PDE4D: variants seen among roughly 807,000 people sequenced by gnomAD.
The protein encoded by PDE4D is 3',5'-cyclic-AMP phosphodiesterase 4D.
Under a neutral mutation model 87.4 loss-of-function variants are expected in PDE4D, and 24 were observed. The ratio of observed to expected loss-of-function variants is 0.27; its 90% CI spans 0.20 to 0.39. The LOEUF is 0.39. Among genes scored for constraint, PDE4D ranks in the 10% least tolerant of loss-of-function variants. The pLI, the probability that PDE4D is intolerant of heterozygous loss-of-function variation, is 1.00. For missense variants in PDE4D, 714 were observed against 1,041.0 expected (o/e 0.69, Z 4.32); for synonymous variants, 384 against 383.2 (o/e 1.00, Z -0.02).
At chr5:59,096,919 A>G (rs919530930) in intron 5 of PDE4D, among the ~76,000 whole-genome samples, 8 of 152,224 alleles carry the variant, frequency 5.3e-5, no homozygotes, top group African/African-American at 1.9e-4. Context: ...AAGTGTGGAC[A>G]CAAGTGTGTA....
intron 1 of PDE4D, among the ~76,000 whole-genome samples, chr5:60,289,104 G>A (rs995685445): frequency 2.0e-5 from 3 of 152,150 alleles, no homozygotes; most frequent in African/African-American, 7.2e-5. Context: ...CTAAAAGAAG[G>A]TTGTTCTAAA....
chr5:59,600,575 G>T (rs1483695060), intron 1 of PDE4D, among the ~76,000 whole-genome samples: 1 of 152,100 alleles, frequency 6.6e-6, no homozygotes, highest in Non-Finnish European at 1.5e-5. Context: ...GCAACCAAAG[G>T]CATCTTAACT....
intron 5 of PDE4D, among the ~76,000 whole-genome samples, chr5:59,067,916 G>A (rs1764178304): frequency 6.6e-6 from 1 of 152,072 alleles, no homozygotes; most frequent in African/African-American, 2.4e-5. Flanking sequence ...TAATTAAGTA[G>A]GTAAAATATT....
chr5:59,112,386 G>C (rs1166999234), intron 5 of PDE4D, among the ~76,000 whole-genome samples: 1 of 152,186 alleles, frequency 6.6e-6, no homozygotes, highest in African/African-American at 2.4e-5. Context: ...GCAAGGTTAT[G>C]AGCAGAGGAA....
chr5:60,092,050 C>CAAAAAAAA (rs66814905), intron 2 of PDE4D, among the ~76,000 whole-genome samples: 37 of 55,990 alleles, frequency 6.6e-4, no homozygotes, highest in Non-Finnish European at 7.7e-4. Flanking sequence ...AACTCCGTCT[C>CAAAAAAAA]AAAAAAAAAA....
intron 1 of PDE4D, among the ~76,000 whole-genome samples, chr5:59,768,834 G>A (rs904886320): frequency 2.6e-5 from 4 of 152,176 alleles, no homozygotes; most frequent in Admixed American, 6.5e-5. Context: ...TAAACTATTG[G>A]AACTAATGCG....
intron 11 of PDE4D, among the ~76,000 whole-genome samples, chr5:58,981,780 GT>G (rs1390065937): frequency 2.0e-5 from 3 of 152,140 alleles, no homozygotes; most frequent in African/African-American, 7.2e-5. Flanking sequence ...AAGGGTATGG[GT>G]TATTAGTGGT....
At chr5:60,277,014 T>G (rs893953898) in intron 1 of PDE4D, among the ~76,000 whole-genome samples, 4 of 152,042 alleles carry the variant, frequency 2.6e-5, no homozygotes, top group African/African-American at 9.7e-5. Context: ...GTTTTTTGCT[T>G]TGTTTTGCTT....
rs757708027 is a variant in PDE4D, at chr5:59,961,352, T to G, written c.272+27136A>C. On this transcript the variant is annotated intron_variant, in intron 3 of 16. Coordinates refer to the PDE4D transcript ENST00000502484. ...GGACACAGGCAGAGATTGAACCTCA[T>G]GAAGCCCCATGCCAAGGAGTGCCAA... Among the ~76,000 whole-genome samples, 31 of 148,340 alleles carry G rather than the reference T, an allele frequency of 2.1e-4. 1 individual carries two copies. The highest frequency in any genetic ancestry group is 6.7e-4 in the African/African-American group (27 of 40,274).
At chr5:60,076,027 C>A (rs931152834) in intron 2 of PDE4D, among the ~76,000 whole-genome samples, 3 of 152,128 alleles carry the variant, frequency 2.0e-5, no homozygotes, top group African/African-American at 4.8e-5. Context: ...GCCACCTCAG[C>A]CCAGTTAAGA....
At chr5:59,089,059 C>T (rs1366043582) in intron 5 of PDE4D, among the ~76,000 whole-genome samples, 3 of 152,160 alleles carry the variant, frequency 2.0e-5, no homozygotes, top group Admixed American at 1.3e-4. Context: ...CCTTATTACG[C>T]CTTTAGGGAA....
chr5:60,365,576 T>G (rs971892763), intron 1 of PDE4D, among the ~76,000 whole-genome samples: 3 of 152,202 alleles, frequency 2.0e-5, no homozygotes, highest in African/African-American at 7.2e-5. Flanking sequence ...GATGGATGAA[T>G]CAATAGATAG....
chr5:59,059,832 A>T (rs1762874181), intron 5 of PDE4D, among the ~76,000 whole-genome samples: 2 of 152,176 alleles, frequency 1.3e-5, no homozygotes, highest in African/African-American at 4.8e-5. Flanking sequence ...TTAAATATTT[A>T]AAATGTATGC....
rs1409917126 is a variant in PDE4D at position 59,172,250 on chromosome 5, TAATA to T, written c.808+8341_808+8344del. ...ATATAATAAATATGTATATAATATA[TAATA>T]AATATATATTTATACAATTTATAAG... On this transcript the variant is annotated intron_variant, in intron 5 of 14. Coordinates refer to ENST00000340635, the MANE Select transcript of PDE4D (RefSeq NM_001104631.2). Among the ~76,000 whole-genome samples the T allele has an allele frequency of 1.3e-4, 16 of 121,616 alleles. 1 individual carries two copies. Among genetic ancestry groups the T allele is most frequent in the South Asian group, 4.5e-4 (2 of 4,448 alleles). 79.8% of individuals were successfully genotyped at this position (121,616 alleles called of 152,430 possible).
At chr5:59,499,366 GA>G (rs1807846856) in intron 1 of PDE4D, among the ~76,000 whole-genome samples, 4 of 128,590 alleles carry the variant, frequency 3.1e-5, no homozygotes, top group Non-Finnish European at 6.7e-5. Flanking sequence ...AAAAAAAACA[GA>G]AAAACAAGAA....
At chr5:59,040,798 G>A (rs1414104121) in intron 5 of PDE4D, among the ~76,000 whole-genome samples, 1 of 152,324 alleles carries the variant, frequency 6.6e-6, no homozygotes, top group East Asian at 1.9e-4. Flanking sequence ...GAATCTACAG[G>A]TATTGGAGAA....
At chr5:60,258,817 G>C (rs1346664514) in intron 1 of PDE4D, among the ~76,000 whole-genome samples, 1 of 151,672 alleles carries the variant, frequency 6.6e-6, no homozygotes, top group African/African-American at 2.4e-5. Flanking sequence ...ATATACAAAA[G>C]AGCAAATATA....
chr5:60,452,007 C>A (rs1746132132), intron 1 of PDE4D, among the ~76,000 whole-genome samples: 1 of 152,084 alleles, frequency 6.6e-6, no homozygotes, highest in Non-Finnish European at 1.5e-5. Context: ...TAGTTTTTCT[C>A]AATAGCCCAA....
chr5:59,803,239 G>A (rs188548989), intron 1 of PDE4D, among the ~76,000 whole-genome samples: 76 of 151,552 alleles, frequency 5.0e-4, no homozygotes, highest in African/African-American at 1.6e-3. Flanking sequence ...CTCATTAGAC[G>A]GTACATAATT....
Sources: gnomAD v4.1 joint callset for allele counts (sites outside exome capture counted in the v4.1 genomes callset) on GRCh38, gnomAD v4.1.1 for gene constraint, MANE v1.5 for transcripts, NCBI Gene and HGNC (gene_info 2026-07-23, HGNC 2026-07-21) for gene names.